The following EPHB1 variants were observed in gnomAD, a reference collection of about 807,000 sequenced individuals.
EPHB1 encodes the protein EPH receptor B1, also known as ephrin type-B receptor 1.
In EPHB1, 30 loss-of-function variants were observed where a neutral mutation model predicts 94.4. That is an observed-to-expected ratio of 0.32 (90% confidence interval 0.24 to 0.43). The LOEUF is 0.43. Ranked by LOEUF, EPHB1 falls within the 20% of genes least tolerant of loss-of-function variation. The probability of loss-of-function intolerance (pLI) is 1.00; values close to 1 mark genes in which losing one functional copy is unlikely to be tolerated. For synonymous variants in EPHB1, 522 were observed against 489.1 expected, an observed-to-expected ratio of 1.07 and a Z score of -0.89; for missense variants, 1,055 against 1,308.3, an observed-to-expected ratio of 0.81 and a Z score of 2.99.
At chr3:134,976,873 T>C (rs1934212609) in intron 3 of EPHB1, among the ~76,000 whole-genome samples, 1 of 152,198 alleles carries the variant, frequency 6.6e-6, no homozygotes, top group African/African-American at 2.4e-5. Context: ...GTGGAGACTT[T>C]GTGGCCTTGA....
intron 15 of EPHB1, among the ~76,000 whole-genome samples, chr3:135,257,088 C>G (rs575475403): frequency 7.4e-4 from 110 of 147,872 alleles, no homozygotes; most frequent in Non-Finnish European, 6.1e-4. Flanking sequence ...AAGCACTTCT[C>G]TGTATTGGTT....
intron 1 of EPHB1, among the ~76,000 whole-genome samples, chr3:134,878,461 A>G (rs544387282): frequency 1.3e-5 from 2 of 152,304 alleles, no homozygotes; most frequent in Non-Finnish European, 2.9e-5. Context: ...AGAGGTCGAC[A>G]TCGTCATCCC....
At chr3:135,189,748 G>A (rs1269782886) in intron 10 of EPHB1, among the ~76,000 whole-genome samples, 1 of 152,166 alleles carries the variant, frequency 6.6e-6, no homozygotes, top group East Asian at 1.9e-4. Context: ...GAGTCTTTTT[G>A]TGTGTTGTGG....
intron 1 of EPHB1, among the ~76,000 whole-genome samples, chr3:134,815,600 T>C (rs2036255250): frequency 6.6e-6 from 1 of 152,126 alleles, no homozygotes; most frequent in African/African-American, 2.4e-5. Context: ...AATAAAAAGT[T>C]TAAGAAAACA....
intron 3 of EPHB1, among the ~76,000 whole-genome samples, chr3:135,034,789 T>A (rs1379048056): frequency 6.6e-6 from 1 of 152,240 alleles, no homozygotes; most frequent in Non-Finnish European, 1.5e-5. Flanking sequence ...GGCCCCAGAC[T>A]GTAGCTGACT....
chr3:134,968,546 A>C (rs1246105125), intron 3 of EPHB1, among the ~76,000 whole-genome samples: 1 of 152,192 alleles, frequency 6.6e-6, no homozygotes, highest in African/African-American at 2.4e-5. Flanking sequence ...GTTAGTTAAC[A>C]TTTTTTAATT....
chr3:134,998,245 G>A (rs1018827944), intron 3 of EPHB1, among the ~76,000 whole-genome samples: 1 of 152,130 alleles, frequency 6.6e-6, no homozygotes, highest in African/African-American at 2.4e-5. Flanking sequence ...TTTTCCCATA[G>A]GACCACTTCT....
intron 3 of EPHB1, among the ~76,000 whole-genome samples, chr3:134,961,587 A>G (rs1461871448): frequency 6.6e-6 from 1 of 152,164 alleles, no homozygotes; most frequent in East Asian, 1.9e-4. Context: ...AGTTTCTAAT[A>G]TTCTCTTGCA....
At chr3:135,112,165 C>T (rs2107801604) in intron 4 of EPHB1, among the ~76,000 whole-genome samples, 1 of 152,294 alleles carries the variant, frequency 6.6e-6, no homozygotes, top group East Asian at 1.9e-4. Context: ...CACCATTTGC[C>T]TGAATTCAGA....
chr3:135,149,994 C>T (rs1318662679), intron 5 of EPHB1, among the ~76,000 whole-genome samples: 1 of 152,224 alleles, frequency 6.6e-6, no homozygotes, highest in Non-Finnish European at 1.5e-5. Flanking sequence ...AACTAGACTC[C>T]TGCACAGAAG....
intron 3 of EPHB1, among the ~76,000 whole-genome samples, chr3:135,098,970 G>A (rs992426414): frequency 1.6e-5 from 2 of 125,028 alleles, no homozygotes; most frequent in Non-Finnish European, 3.1e-5. Flanking sequence ...CAGAGATCAC[G>A]CCACTGCACT....
At chr3:135,202,160 G>A (rs1255330112) in intron 12 of EPHB1, among the ~76,000 whole-genome samples, 2 of 152,114 alleles carry the variant, frequency 1.3e-5, no homozygotes, top group African/African-American at 4.8e-5. Flanking sequence ...AACACGATGA[G>A]TACTCTTAAA....
chr3:135,144,695 G>A (rs902809294), intron 5 of EPHB1, among the ~76,000 whole-genome samples: 2 of 152,022 alleles, frequency 1.3e-5, no homozygotes, highest in Non-Finnish European at 2.9e-5. Flanking sequence ...AACCCTTAGT[G>A]GATGGACCAG....
At chr3:134,990,683 C>A (rs2107737746) in intron 3 of EPHB1, among the ~76,000 whole-genome samples, 1 of 152,294 alleles carries the variant, frequency 6.6e-6, no homozygotes, top group South Asian at 2.1e-4. Context: ...ATAATCTGTG[C>A]TCATTCTCCT....
At chr3:134,875,283 C>G (rs2037593690) in intron 1 of EPHB1, among the ~76,000 whole-genome samples, 1 of 152,124 alleles carries the variant, frequency 6.6e-6, no homozygotes, top group African/African-American at 2.4e-5. Context: ...AAACAACTGA[C>G]CTGCCCACCT....
chr3:135,000,941 T>A (rs963888988), intron 3 of EPHB1, among the ~76,000 whole-genome samples: 1 of 152,194 alleles, frequency 6.6e-6, no homozygotes, highest in African/African-American at 2.4e-5. Flanking sequence ...TTCCACCTTA[T>A]TTTTCTTTTC....
At chr3:135,137,122 A>G (rs1000325618) in intron 5 of EPHB1, among the ~76,000 whole-genome samples, 1 of 152,222 alleles carries the variant, frequency 6.6e-6, no homozygotes, top group African/African-American at 2.4e-5. Context: ...TCTTGGGGGT[A>G]TAAAAGATGA....
intron 15 of EPHB1, among the ~76,000 whole-genome samples, chr3:135,253,095 G>C (rs1933201642): frequency 6.7e-6 from 1 of 149,108 alleles, no homozygotes; most frequent in Non-Finnish European, 1.5e-5. Flanking sequence ...TGAGTTCATT[G>C]TAGATTCTGG....
chr3:134,989,375 C>T (rs943660723), intron 3 of EPHB1, among the ~76,000 whole-genome samples: 2 of 152,112 alleles, frequency 1.3e-5, no homozygotes, highest in Non-Finnish European at 2.9e-5. Flanking sequence ...TTATACAAAA[C>T]GCTGTTGATA....
Sources: gnomAD v4.1 joint callset for allele counts (sites outside exome capture counted in the v4.1 genomes callset) on GRCh38, gnomAD v4.1.1 for gene constraint, MANE v1.5 for transcripts, NCBI Gene and HGNC (gene_info 2026-07-23, HGNC 2026-07-21) for gene names.